UBE3D: variants seen among roughly 807,000 people sequenced by gnomAD.
UBE3D encodes the protein E3 ubiquitin-protein ligase E3D.
UBE3D carries 48 observed loss-of-function variants against 49.6 expected under a neutral mutation model. That is an observed-to-expected ratio of 0.97 (90% CI 0.77 to 1.23). The LOEUF is 1.23. Ranked by LOEUF, UBE3D falls within the 50% of genes most tolerant of loss-of-function variation. The pLI, the probability that UBE3D is intolerant of heterozygous loss-of-function variation, is 0.00. For missense variants in UBE3D, 452 were observed against 468.4 expected (o/e 0.96, Z 0.32); for synonymous variants, 189 against 174.2 (o/e 1.08, Z -0.67).
At chr6:82,931,389 A>G (rs1004113500) in intron 9 of UBE3D, among the ~76,000 whole-genome samples, 2 of 152,188 alleles carry the variant, frequency 1.3e-5, no homozygotes, top group Non-Finnish European at 2.9e-5. Flanking sequence ...GCCACTGTCA[A>G]CCAGACCCAG....
rs762131473 is a variant in UBE3D, at chr6:83,065,753, AG to A, written c.-36del. ...CCAGTCCCAGACCGGACCAAGCTGGAGGTTCCGAGGGGCCCGGGTCAACAGG... is the reference window on the plus strand; with the variant it reads ...CCAGTCCCAGACCGGACCAAGCTGGAGTTCCGAGGGGCCCGGGTCAACAGG... On this transcript the variant is annotated 5_prime_UTR_variant, in exon 1 of 10. Transcript: ENST00000369747. 136 of 1,586,676 alleles carry A rather than the reference AG, an allele frequency of 8.6e-5. No individual in the cohort carries two copies. Among genetic ancestry groups the A allele is most frequent in the Non-Finnish European group, 1.1e-4 (134 of 1,165,484 alleles).
intron 9 of UBE3D, among the ~76,000 whole-genome samples, chr6:82,901,160 G>A (rs1350551293): frequency 6.6e-6 from 1 of 151,832 alleles, no homozygotes; most frequent in Non-Finnish European, 1.5e-5. Context: ...GTGAAATAGC[G>A]CTTCTGAAAC....
chr6:82,964,062 C>T (rs1195833952), intron 8 of UBE3D, among the ~76,000 whole-genome samples: 1 of 152,218 alleles, frequency 6.6e-6, no homozygotes, highest in Non-Finnish European at 1.5e-5. Context: ...GAGACCAGAA[C>T]TGTCAGCCAG....
chr6:82,893,384 T>A (rs1771079111), intron 9 of UBE3D, among the ~76,000 whole-genome samples: 1 of 152,130 alleles, frequency 6.6e-6, no homozygotes, highest in African/African-American at 2.4e-5. Flanking sequence ...GAATTCTGAG[T>A]CTCATTCCTA....
chr6:82,968,491 C>T (rs1245129763), intron 8 of UBE3D, among the ~76,000 whole-genome samples: 2 of 152,266 alleles, frequency 1.3e-5, no homozygotes, highest in African/African-American at 4.8e-5. Context: ...TCTTTTCCTG[C>T]TATGAACAAT....
chr6:83,049,461 A>G (rs181129283), intron 3 of UBE3D, among the ~76,000 whole-genome samples: 18 of 152,324 alleles, frequency 1.2e-4, no homozygotes, highest in Non-Finnish European at 2.2e-4. Flanking sequence ...TTTTATTCCA[A>G]AAGTTTGTAC....
At chr6:83,046,774 C>T (rs1010328328) in intron 3 of UBE3D, among the ~76,000 whole-genome samples, 18 of 151,566 alleles carry the variant, frequency 1.2e-4, no homozygotes, top group Non-Finnish European at 2.1e-4. Flanking sequence ...TACAAGCACA[C>T]AAAATCTGCA....
intron 8 of UBE3D, among the ~76,000 whole-genome samples, chr6:83,011,369 G>A (rs1298408303): frequency 3.3e-5 from 5 of 152,086 alleles, no homozygotes; most frequent in African/African-American, 1.2e-4. Flanking sequence ...TATTCCCTTT[G>A]CCTTCAGCAA....
At chr6:82,914,378 G>C (rs538729982) in intron 9 of UBE3D, among the ~76,000 whole-genome samples, 1 of 152,224 alleles carries the variant, frequency 6.6e-6, no homozygotes, top group African/African-American at 2.4e-5. Flanking sequence ...TCTTAAAGGT[G>C]TCAGTGAGCA....
chr6:83,057,730 C>T, intron 2 of UBE3D, 96 bp downstream of exon 2: 1 of 1,280,678 alleles, frequency 7.8e-7, no homozygotes, highest in South Asian at 1.3e-5. Context: ...TTCTCAACCC[C>T]TTCACCTGGG....
chr6:82,904,419 G>C (rs1373942926), intron 9 of UBE3D, among the ~76,000 whole-genome samples: 3 of 152,154 alleles, frequency 2.0e-5, no homozygotes, highest in Non-Finnish European at 4.4e-5. Context: ...AGAGGTGGTG[G>C]GAGAGCAGAA....
intron 8 of UBE3D, among the ~76,000 whole-genome samples, chr6:82,980,065 G>T (rs1778008407): frequency 6.6e-6 from 1 of 152,042 alleles, no homozygotes; most frequent in African/African-American, 2.4e-5. Flanking sequence ...ATAAATGAAT[G>T]CATCTTTTTG....
At chr6:82,974,647 C>T (rs1396723871) in intron 8 of UBE3D, among the ~76,000 whole-genome samples, 2 of 151,770 alleles carry the variant, frequency 1.3e-5, no homozygotes, top group African/African-American at 2.4e-5. Context: ...GACTGTATTA[C>T]CTTGTGTGGC....
chr6:82,938,680 T>C (rs994993661), intron 9 of UBE3D: 1 of 152,226 alleles, frequency 6.6e-6, no homozygotes, highest in Non-Finnish European at 1.5e-5. Flanking sequence ...CTCACTTTAG[T>C]TGGTGTATAT....
At chr6:83,035,360 G>T (rs1464858812) in intron 5 of UBE3D, among the ~76,000 whole-genome samples, 1 of 152,050 alleles carries the variant, frequency 6.6e-6, no homozygotes, top group Non-Finnish European at 1.5e-5. Flanking sequence ...CCCTAGTTTA[G>T]ATGATTTATA....
intron 5 of UBE3D, among the ~76,000 whole-genome samples, chr6:83,028,896 T>C (rs1228666984): frequency 6.6e-6 from 1 of 152,210 alleles, no homozygotes; most frequent in Non-Finnish European, 1.5e-5. Context: ...GTACTGTTGG[T>C]TGTCACATCT....
intron 6 of UBE3D, 72 bp downstream of exon 6, chr6:83,023,897 A>C (rs548395366): frequency 5.9e-5 from 62 of 1,053,120 alleles, no homozygotes; most frequent in Non-Finnish European, 8.1e-5. Context: ...CAAAACCAAA[A>C]AATAAAAAAT....
rs145723348 is a variant in UBE3D, at chr6:82,908,577, C to G, written c.1150-15535G>C. On this transcript the variant is annotated intron_variant, in intron 9 of 9. Transcript: ENST00000369747. Reference sequence around the variant, plus strand: ...AAAACAAAAAGAAACTCAGCAACACCTTTCCTAACTCCAAAATGTGGTTGA... The same window carrying G: ...AAAACAAAAAGAAACTCAGCAACACGTTTCCTAACTCCAAAATGTGGTTGA... Among the ~76,000 whole-genome samples the G allele has an allele frequency of 5.0e-4, 76 of 152,268 alleles. 1 individual carries two copies. The highest frequency in any genetic ancestry group is 1.7e-3 in the African/African-American group (71 of 41,562).
intron 9 of UBE3D, among the ~76,000 whole-genome samples, chr6:82,936,472 TAGG>T (rs1455407795): frequency 6.6e-6 from 1 of 151,990 alleles, no homozygotes; most frequent in African/African-American, 2.4e-5. Context: ...ACCAGAAATA[TAGG>T]GACTATGGAC....
Sources: gnomAD v4.1 joint callset for allele counts (sites outside exome capture counted in the v4.1 genomes callset) on GRCh38, gnomAD v4.1.1 for gene constraint, MANE v1.5 for transcripts, NCBI Gene and HGNC (gene_info 2026-07-23, HGNC 2026-07-21) for gene names.